Variants in PRKG1 observed in about 807,000 individuals in gnomAD.
PRKG1 encodes the protein protein kinase cGMP-dependent 1.
PRKG1 carries 35 observed loss-of-function variants against 88.1 expected under a neutral mutation model. The observed-to-expected ratio is 0.40, with a 90% CI of 0.30 to 0.53. The LOEUF is 0.53. Among genes scored for constraint, PRKG1 ranks in the 20% least tolerant of loss-of-function variants. PRKG1 has a pLI of 0.59. For synonymous variants in PRKG1, 303 were observed against 292.5 expected (o/e 1.04, Z -0.37); for missense variants, 540 against 839.8 (o/e 0.64, Z 4.41).
chr10:51,235,154 C>T (rs1838951662), intron 2 of PRKG1, among the ~76,000 whole-genome samples: 2 of 152,124 alleles, frequency 1.3e-5, no homozygotes, highest in South Asian at 4.1e-4. Context: ...AACACAATTG[C>T]TCAAAGAAGA....
In PRKG1 at chr10:51,430,450, T is replaced by C. The variant is rs1165389046; in HGVS notation, c.479-37273T>C. 1.3e-5 allele frequency among the ~76,000 whole-genome samples: 2 copies of C among 151,896 alleles called. 1 individual carries two copies. Among genetic ancestry groups the C allele is most frequent in the Non-Finnish European group, 2.9e-5 (2 of 67,952 alleles). On this transcript the variant is annotated intron_variant, in intron 2 of 17. Transcript: ENST00000373980. Reference sequence around the variant, plus strand: ...CACAAAACAAAACAAAAACAAAAGATGGACAATACAATTGTTAGAGACAGT... The same window carrying C: ...CACAAAACAAAACAAAAACAAAAGACGGACAATACAATTGTTAGAGACAGT...
chr10:51,812,983 C>T (rs938837138), intron 4 of PRKG1, among the ~76,000 whole-genome samples: 3 of 152,198 alleles, frequency 2.0e-5, no homozygotes, highest in African/African-American at 7.2e-5. Context: ...CTTTGCAAAA[C>T]TTCTTGAAAC....
intron 12 of PRKG1, 152 bp from the exon 13 acceptor site, chr10:52,280,637 T>C (rs112315653): frequency 1.3e-6 from 1 of 781,642 alleles, no homozygotes; most frequent in Non-Finnish European, 2.0e-6. Flanking sequence ...GAAAACCCAA[T>C]GTAATGGCAA....
chr10:51,231,443 A>G (rs1364652375), intron 2 of PRKG1, among the ~76,000 whole-genome samples: 1 of 152,156 alleles, frequency 6.6e-6, no homozygotes, highest in Admixed American at 6.6e-5. Context: ...CTGTCCCCTG[A>G]GGAGGAGGCC....
At chr10:51,621,031 A>G (rs1218362557) in intron 3 of PRKG1, among the ~76,000 whole-genome samples, 1 of 146,522 alleles carries the variant, frequency 6.8e-6, no homozygotes, top group Non-Finnish European at 1.5e-5. Flanking sequence ...ATATATATAT[A>G]TGACTCCTAT....
chr10:51,504,345 C>A (rs1192287116), intron 3 of PRKG1, among the ~76,000 whole-genome samples: 3 of 152,072 alleles, frequency 2.0e-5, no homozygotes, highest in Admixed American at 2.0e-4. Context: ...TGTTTTGGTA[C>A]CAGTACCATG....
intron 4 of PRKG1, among the ~76,000 whole-genome samples, chr10:51,899,771 C>G (rs1214067393): frequency 1.3e-5 from 2 of 149,414 alleles, no homozygotes; most frequent in East Asian, 3.9e-4. Context: ...GATGTGTGGC[C>G]CCCTCCCAAT....
At chr10:51,929,092 A>C (rs1842635918) in intron 5 of PRKG1, among the ~76,000 whole-genome samples, 1 of 152,196 alleles carries the variant, frequency 6.6e-6, no homozygotes, top group South Asian at 2.1e-4. Flanking sequence ...CTGAATATAG[A>C]AGACTGAAAC....
chr10:51,370,131 G>T (rs1281729507), intron 2 of PRKG1, among the ~76,000 whole-genome samples: 1 of 152,062 alleles, frequency 6.6e-6, no homozygotes, highest in Non-Finnish European at 1.5e-5. Flanking sequence ...GTGAGTCACT[G>T]GGTGACTGCT....
intron 3 of PRKG1, among the ~76,000 whole-genome samples, chr10:51,784,681 G>A (rs917731132): frequency 6.6e-6 from 1 of 152,042 alleles, no homozygotes; most frequent in Non-Finnish European, 1.5e-5. Flanking sequence ...TAGTCTACAT[G>A]CTTTATTCAG....
At position 51,953,721 on chromosome 10, in the gene PRKG1, G is replaced by T. The variant is rs905757950; in HGVS notation, c.762+46151G>T. ...AACACCATATTGTGTGTGCGGTTTT[G>T]TTTTTTTTTTAACTTTTGAACTGAA... is the stretch of plus-strand genomic sequence containing the variant. On this transcript the variant is annotated intron_variant, in intron 5 of 17. Transcript: ENST00000373980. 1.1e-4 allele frequency among the ~76,000 whole-genome samples: 16 copies of T among 148,312 alleles called. No individual in the cohort carries two copies. In the South Asian group the frequency reaches 1.5e-3, roughly 14 times the overall value.
At chr10:51,246,767 G>T (rs1839303451) in intron 2 of PRKG1, among the ~76,000 whole-genome samples, 1 of 151,992 alleles carries the variant, frequency 6.6e-6, no homozygotes, top group Non-Finnish European at 1.5e-5. Context: ...ACTCAGGCAT[G>T]AATAGGAGAA....
chr10:51,070,342 G>A (rs1564588012), upstream of PRKG1, among the ~76,000 whole-genome samples: 2 of 152,092 alleles, frequency 1.3e-5, no homozygotes, highest in South Asian at 2.1e-4. Context: ...ATTATGATTA[G>A]CAACTTAGAA....
At chr10:51,830,010 A>G (rs1937693) in intron 4 of PRKG1, among the ~76,000 whole-genome samples, 1 of 151,974 alleles carries the variant, frequency 6.6e-6, no homozygotes, top group Non-Finnish European at 1.5e-5. Context: ...CTATTTCTAT[A>G]GTTATGGTAC....
intron 1 of PRKG1, among the ~76,000 whole-genome samples, chr10:51,015,156 C>A (rs1011165057): frequency 6.6e-6 from 1 of 152,134 alleles, no homozygotes; most frequent in African/African-American, 2.4e-5. Flanking sequence ...TGATTGCAAC[C>A]CTTACTGAAA....
chr10:51,634,059 T>A (rs558161946), intron 3 of PRKG1, among the ~76,000 whole-genome samples: 28 of 152,276 alleles, frequency 1.8e-4, no homozygotes, highest in African/African-American at 6.0e-4. Context: ...GTTTCTGGAT[T>A]GATGACATAT....
intron 3 of PRKG1, among the ~76,000 whole-genome samples, chr10:51,799,715 G>A (rs968039383): frequency 2.0e-5 from 3 of 151,932 alleles, no homozygotes; most frequent in Non-Finnish European, 4.4e-5. Context: ...ATGACCCTAG[G>A]GACACAGACC....
At position 51,388,356 on chromosome 10, in the gene PRKG1, C is replaced by T. The variant is rs144265044; in HGVS notation, c.479-79367C>T. 1.2e-3 allele frequency among the ~76,000 whole-genome samples: 190 copies of T among 152,290 alleles called. 1 individual carries two copies. Among genetic ancestry groups the T allele is most frequent in the African/African-American group, 4.4e-3 (182 of 41,564 alleles). Reference sequence around the variant, plus strand: ...GCTCAAATAGTGACAGATCAAAGATCAGATGCAAACCCCCTGAATTTAAGT... The same window carrying T: ...GCTCAAATAGTGACAGATCAAAGATTAGATGCAAACCCCCTGAATTTAAGT... On this transcript the variant is annotated intron_variant, in intron 2 of 17. Coordinates refer to ENST00000373980, the MANE Select transcript of PRKG1 (RefSeq NM_006258.4).
intron 3 of PRKG1, among the ~76,000 whole-genome samples, chr10:51,679,648 C>T (rs1840793434): frequency 6.6e-6 from 1 of 151,464 alleles, no homozygotes; most frequent in South Asian, 2.1e-4. Context: ...CATCACCAAA[C>T]CATTTACATA....
Sources: gnomAD v4.1 joint callset for allele counts (sites outside exome capture counted in the v4.1 genomes callset) on GRCh38, gnomAD v4.1.1 for gene constraint, MANE v1.5 for transcripts, NCBI Gene and HGNC (gene_info 2026-07-23, HGNC 2026-07-21) for gene names.